TMEM120B: variants seen among roughly 807,000 people sequenced by gnomAD.
TMEM120B encodes the protein transmembrane protein 120B.
Under a neutral mutation model 55.5 loss-of-function variants are expected in TMEM120B, and 31 were observed. That is an observed-to-expected ratio of 0.56 (90% confidence interval 0.42 to 0.75). TMEM120B has a LOEUF of 0.75. TMEM120B is among the 30% of genes least tolerant of loss of function. The pLI, the probability that TMEM120B is intolerant of heterozygous loss-of-function variation, is 0.00. For missense variants in TMEM120B, 399 were observed against 425.5 expected (o/e 0.94, Z 0.55); for synonymous variants, 203 against 176.3 (o/e 1.15, Z -1.20).
At chr12:121,734,726 C>T (rs1265317288) in intron 1 of TMEM120B, among the ~76,000 whole-genome samples, 3 of 151,878 alleles carry the variant, frequency 2.0e-5, no homozygotes, top group Non-Finnish European at 4.4e-5. Flanking sequence ...CCAGCCTGGC[C>T]AACATGGCAA....
Position 121,752,176 on chromosome 12 carries a change from C to T in TMEM120B, c.414C>T (p.Ile138=). 6.2e-7 allele frequency: 1 copy of T among 1,613,776 alleles called. No individual in the cohort carries two copies. Among genetic ancestry groups the T allele is most frequent in the Non-Finnish European group, 8.5e-7 (1 of 1,179,932 alleles). The change falls in exon 5 of 12, where the codon ATC becomes ATT. Residue 138 remains isoleucine, a synonymous_variant. Coordinates refer to ENST00000449592, the MANE Select transcript of TMEM120B (RefSeq NM_001080825.2). The part of the protein sequence containing the change: ...EYEKFKLYLT[I]ILLLGAVACR... ...AGAAGTTCAAGCTCTACCTGACCAT[C>T]ATCCTGCTCCTGGGTGCCGTGGCAT... is the stretch of plus-strand genomic sequence containing the variant.
intron 6 of TMEM120B, among the ~76,000 whole-genome samples, chr12:121,766,511 C>T (rs1314738043): frequency 6.6e-6 from 1 of 152,172 alleles, no homozygotes; most frequent in Non-Finnish European, 1.5e-5. Flanking sequence ...CCAGCAGTAA[C>T]CCCTGGGCTG....
At chr12:121,745,106 C>G (rs1873042745) in intron 2 of TMEM120B, among the ~76,000 whole-genome samples, 1 of 152,264 alleles carries the variant, frequency 6.6e-6, no homozygotes, top group African/African-American at 2.4e-5. Context: ...AGTAGCACTC[C>G]TGCCCCAGGT....
intron 1 of TMEM120B, among the ~76,000 whole-genome samples, chr12:121,717,691 T>A (rs1462397611): frequency 6.6e-6 from 1 of 152,206 alleles, no homozygotes; most frequent in Non-Finnish European, 1.5e-5. Context: ...GGAGTCTCGC[T>A]CTGTTGCCCA....
intron 1 of TMEM120B, among the ~76,000 whole-genome samples, chr12:121,740,211 A>T (rs191802302): frequency 2.0e-3 from 310 of 152,190 alleles, no homozygotes; most frequent in Non-Finnish European, 3.3e-3. Context: ...GAGGCCTGGC[A>T]CGGTGGCTCA....
rs11553699 is a variant in TMEM120B at position 121,779,004 on chromosome 12, A to G, written c.*3282A>G. On this transcript the variant is annotated 3_prime_UTR_variant, in exon 12 of 12. Coordinates refer to ENST00000449592, the MANE Select transcript of TMEM120B (RefSeq NM_001080825.2). ...AGGCTGCAGCCTGTGTCCTCCTGAT[A>G]GGCCCAGCCCCCTCGGTGGCCTCCG... The G allele has an allele frequency of 0.093, 14,548 of 157,086 alleles. 894 individuals carry two copies. The highest frequency in any genetic ancestry group is 0.15 in the Middle Eastern group (47 of 306). 9.7% of individuals were successfully genotyped at this position (157,086 alleles called of 1,614,324 possible).
At chr12:121,723,126 C>G (rs1274056074) in intron 1 of TMEM120B, among the ~76,000 whole-genome samples, 4 of 151,052 alleles carry the variant, frequency 2.6e-5, no homozygotes, top group Non-Finnish European at 5.9e-5. Flanking sequence ...GGATTACAGA[C>G]ATGAGCCACC....
intron 1 of TMEM120B, among the ~76,000 whole-genome samples, chr12:121,722,848 CTTTTT>C (rs34271702): frequency 1.5e-5 from 2 of 133,086 alleles, no homozygotes; most frequent in Admixed American, 7.9e-5. Flanking sequence ...TTTAAATTTA[CTTTTT>C]TTTTTTTTTT....
At chr12:121,751,643 T>C (rs988961266) in intron 4 of TMEM120B, among the ~76,000 whole-genome samples, 10 of 150,398 alleles carry the variant, frequency 6.6e-5, no homozygotes, top group African/African-American at 2.5e-4. Context: ...TTCCCTTCCT[T>C]CCCTCCCTCC....
At chr12:121,750,656 CA>C (rs1873255898) in intron 4 of TMEM120B, among the ~76,000 whole-genome samples, 1 of 144,326 alleles carries the variant, frequency 6.9e-6, no homozygotes, top group Non-Finnish European at 1.5e-5. Flanking sequence ...AACCCACACC[CA>C]CACCCACACC....
intron 2 of TMEM120B, among the ~76,000 whole-genome samples, chr12:121,746,814 T>C (rs2137153431): frequency 6.6e-6 from 1 of 151,758 alleles, no homozygotes; most frequent in Admixed American, 6.6e-5. Flanking sequence ...AAAAATTAGC[T>C]GGGCGTGGTG....
At position 121,776,520 on chromosome 12, in the gene TMEM120B, G is replaced by A. The variant is rs775483000; in HGVS notation, c.*798G>A. ...CTCCCCCCTCCTTCCCAGAGCTTCT[G>A]GATGTTGTGGGAGGGAGGTGGGGGT... On this transcript the variant is annotated 3_prime_UTR_variant, in exon 12 of 12. Transcript: ENST00000449592. 1 of 152,246 alleles carries A rather than the reference G, an allele frequency of 6.6e-6. No homozygotes were observed. Among genetic ancestry groups the A allele is most frequent in the Non-Finnish European group, 1.5e-5 (1 of 68,060 alleles). 9.4% of individuals were successfully genotyped at this position (152,246 alleles called of 1,614,324 possible).
intron 8 of TMEM120B, among the ~76,000 whole-genome samples, chr12:121,772,135 C>G (rs1364532802): frequency 6.9e-6 from 1 of 145,226 alleles, no homozygotes; most frequent in Non-Finnish European, 1.5e-5. Context: ...TTCTCTCTTT[C>G]TTTCTTTCTT....
At chr12:121,724,361 A>G (rs1393157968) in intron 1 of TMEM120B, among the ~76,000 whole-genome samples, 1 of 151,882 alleles carries the variant, frequency 6.6e-6, no homozygotes, top group Non-Finnish European at 1.5e-5. Context: ...TTTGGTAGAC[A>G]CAGGGTTTCA....
In TMEM120B at chr12:121,770,977, G is replaced by A. The variant is rs1195496868; in HGVS notation, c.617+5G>A. On this transcript the variant is annotated splice_donor_5th_base_variant and intron_variant, in intron 7 of 11. Coordinates refer to ENST00000449592, the MANE Select transcript of TMEM120B (RefSeq NM_001080825.2). ...GTCCGGAGTGATGCTGACCTGGTGA[G>A]TAGCCCCTCGCTGGGCCCCTCCAGC... 1 of 1,613,624 alleles carries A rather than the reference G, an allele frequency of 6.2e-7. No individual in the cohort carries two copies. The highest frequency in any genetic ancestry group is 1.3e-5 in the African/African-American group (1 of 75,054).
At chr12:121,736,880 C>T (rs562438935) in intron 1 of TMEM120B, among the ~76,000 whole-genome samples, 64 of 152,062 alleles carry the variant, frequency 4.2e-4, no homozygotes, top group African/African-American at 1.4e-3. Context: ...GGAACCTATG[C>T]GGGACTGACA....
intron 5 of TMEM120B, among the ~76,000 whole-genome samples, chr12:121,754,727 A>G (rs1362366805): frequency 6.6e-6 from 1 of 152,152 alleles, no homozygotes; most frequent in Non-Finnish European, 1.5e-5. Flanking sequence ...AACTAATTCC[A>G]TCTACAAAGA....
chr12:121,720,839 G>C (rs1894778054), intron 1 of TMEM120B, among the ~76,000 whole-genome samples: 1 of 152,174 alleles, frequency 6.6e-6, no homozygotes, highest in Admixed American at 6.6e-5. Flanking sequence ...GACTTCTGAT[G>C]CTCCTGGGCC....
intron 1 of TMEM120B, among the ~76,000 whole-genome samples, chr12:121,716,323 AAG>A (rs1276587570): frequency 1.7e-4 from 25 of 151,402 alleles, no homozygotes; most frequent in Admixed American, 4.0e-4. Context: ...AAAAAAAAAA[AAG>A]AGATTTGTTG....
Sources: gnomAD v4.1 joint callset for allele counts (sites outside exome capture counted in the v4.1 genomes callset) on GRCh38, gnomAD v4.1.1 for gene constraint, MANE v1.5 for transcripts, NCBI Gene and HGNC (gene_info 2026-07-23, HGNC 2026-07-21) for gene names.